The following ADARB2 variants were observed in gnomAD, a reference collection of about 807,000 sequenced individuals.
ADARB2 encodes inactive double-stranded RNA-specific editase B2.
Under a neutral mutation model 62.2 loss-of-function variants are expected in ADARB2, and 25 were observed. The ratio of observed to expected loss-of-function variants is 0.40; its 90% CI spans 0.29 to 0.56. ADARB2 has a LOEUF of 0.56. Ranked by LOEUF, ADARB2 falls within the 20% of genes least tolerant of loss-of-function variation. The probability of loss-of-function intolerance (pLI) is 0.43; values close to 1 mark genes in which losing one functional copy is unlikely to be tolerated. For synonymous variants in ADARB2, 572 were observed against 500.8 expected (o/e 1.14, Z -1.90); for missense variants, 1,071 against 1,077.4 (o/e 0.99, Z 0.08).
At chr10:1,650,502 G>A (rs994370533) in intron 1 of ADARB2, among the ~76,000 whole-genome samples, 5 of 116,110 alleles carry the variant, frequency 4.3e-5, no homozygotes, top group Non-Finnish European at 9.3e-5. Context: ...TGACCACAGC[G>A]CAGGGAAACG....
intron 1 of ADARB2, among the ~76,000 whole-genome samples, chr10:1,508,353 T>A (rs778559001): frequency 6.6e-6 from 1 of 152,210 alleles, no homozygotes; most frequent in Non-Finnish European, 1.5e-5. Context: ...AAGCTATGTG[T>A]GAGCATGAAG....
At chr10:1,459,487 G>C (rs902940449) in intron 1 of ADARB2, among the ~76,000 whole-genome samples, 2 of 151,536 alleles carry the variant, frequency 1.3e-5, no homozygotes, top group Admixed American at 6.6e-5. Flanking sequence ...CAAGGGCCAG[G>C]CGCAGTGGCT....
At chr10:1,694,111 T>G (rs7923745) in intron 1 of ADARB2, among the ~76,000 whole-genome samples, 94,991 of 152,118 alleles carry the variant, frequency 0.62, 30,985 homozygotes, top group South Asian at 0.8. Context: ...CATCATGTAA[T>G]TTTTCTGGTT....
At chr10:1,571,084 A>G (rs1406981828) in intron 1 of ADARB2, among the ~76,000 whole-genome samples, 1 of 152,190 alleles carries the variant, frequency 6.6e-6, no homozygotes, top group Non-Finnish European at 1.5e-5. Flanking sequence ...AATGATGTGA[A>G]AGAATCAGCA....
chr10:1,475,922 C>T (rs941363335), intron 1 of ADARB2, among the ~76,000 whole-genome samples: 11 of 152,172 alleles, frequency 7.2e-5, no homozygotes, highest in Admixed American at 1.3e-4. Context: ...CTACAAAACA[C>T]GAACATTTTT....
intron 1 of ADARB2, among the ~76,000 whole-genome samples, chr10:1,628,215 G>A (rs576466503): frequency 5.9e-5 from 9 of 152,302 alleles, no homozygotes; most frequent in Non-Finnish European, 1.2e-4. Context: ...GGGAAAAGTC[G>A]CTTCTGTGCA....
intron 4 of ADARB2, among the ~76,000 whole-genome samples, chr10:1,243,786 G>A (rs1830950681): frequency 6.6e-6 from 1 of 152,156 alleles, no homozygotes; most frequent in Non-Finnish European, 1.5e-5. Context: ...CACAGCCCCC[G>A]CCTCCTGCCC....
intron 4 of ADARB2, among the ~76,000 whole-genome samples, chr10:1,250,345 TG>T (rs1281689419): frequency 6.6e-6 from 1 of 151,992 alleles, no homozygotes; most frequent in Non-Finnish European, 1.5e-5. Flanking sequence ...GTTTGGGTCA[TG>T]GGGTGGATTC....
At chr10:1,672,925 AAC>A (rs1347510341) in intron 1 of ADARB2, among the ~76,000 whole-genome samples, 1 of 152,212 alleles carries the variant, frequency 6.6e-6, no homozygotes, top group Non-Finnish European at 1.5e-5. Flanking sequence ...ATAGGAGGGA[AAC>A]ACACTTTTAA....
chr10:1,544,956 T>C lies in ADARB2; in HGVS notation c.101-165796A>G, dbSNP rs867983853. 4.0e-4 allele frequency among the ~76,000 whole-genome samples: 54 copies of C among 133,932 alleles called. No homozygotes were observed. The East Asian group carries it at 0.01, about 25-fold the overall frequency. 87.9% of individuals were successfully genotyped at this position (133,932 alleles called of 152,430 possible). ...ATGTGAAGTCTATAATAGCAAAGTA[T>C]ACACACACACACACACACACACACA... is the stretch of plus-strand genomic sequence containing the variant. On this transcript the variant is annotated intron_variant, in intron 1 of 9. Transcript: ENST00000381312.
chr10:1,396,223 C>A (rs544302675), intron 1 of ADARB2, among the ~76,000 whole-genome samples: 26 of 152,222 alleles, frequency 1.7e-4, no homozygotes, highest in African/African-American at 6.0e-4. Context: ...TATTTTGAGC[C>A]TCCCGACTCT....
intron 3 of ADARB2, among the ~76,000 whole-genome samples, chr10:1,307,531 A>G (rs1479660595): frequency 7.0e-6 from 1 of 143,598 alleles, no homozygotes; most frequent in Non-Finnish European, 1.5e-5. Context: ...GTCATTCCTC[A>G]GGGATCTAGA....
Position 1,218,497 on chromosome 10 carries a change from A to G in ADARB2, c.1514-1378T>C, listed in dbSNP as rs79825248. On this transcript the variant is annotated intron_variant, in intron 6 of 9. Transcript: ENST00000381312. The stretch of plus-strand genomic sequence containing the variant: ...TGAATATTAAATGCTTTCTTTAGAA[A>G]GTTCCTATTGAAGTTTTAGAAGCTG... Among the ~76,000 whole-genome samples the G allele has an allele frequency of 2.2e-3, 332 of 152,360 alleles. 7 individuals carry two copies. In the East Asian group the frequency reaches 0.055, roughly 25 times the overall value.
At chr10:1,314,608 C>T (rs562516622) in intron 3 of ADARB2, among the ~76,000 whole-genome samples, 2 of 152,326 alleles carry the variant, frequency 1.3e-5, no homozygotes, top group East Asian at 3.9e-4. Flanking sequence ...CAGACCTGAG[C>T]TTAGGGTTTC....
At chr10:1,556,463 T>C (rs1832705506) in intron 1 of ADARB2, 3 of 354,802 alleles carry the variant, frequency 8.5e-6, no homozygotes, top group South Asian at 4.2e-5. Flanking sequence ...CCTCCTTGTC[T>C]CTAAATATTC....
At chr10:1,530,335 A>C (rs1832214820) in intron 1 of ADARB2, among the ~76,000 whole-genome samples, 1 of 152,214 alleles carries the variant, frequency 6.6e-6, no homozygotes, top group Admixed American at 6.5e-5. Context: ...TCCCACACCC[A>C]CAACATTCCC....
chr10:1,498,259 A>G (rs1831716589), intron 1 of ADARB2, among the ~76,000 whole-genome samples: 3 of 152,094 alleles, frequency 2.0e-5, no homozygotes, highest in Admixed American at 1.3e-4. Flanking sequence ...CTGTAATCCC[A>G]GCTACTTTGG....
At chr10:1,195,400 G>GTTTTTTTTTTT (rs1236059124) in intron 8 of ADARB2, among the ~76,000 whole-genome samples, 1 of 116,436 alleles carries the variant, frequency 8.6e-6, no homozygotes. Context: ...TTTTTTTTTT[G>GTTTTTTTTTTT]TTTTTTTTTT....
At chr10:1,475,580 A>G (rs185034238) in intron 1 of ADARB2, among the ~76,000 whole-genome samples, 3 of 152,242 alleles carry the variant, frequency 2.0e-5, no homozygotes, top group Non-Finnish European at 2.9e-5. Flanking sequence ...AGAAGGAGAC[A>G]CACGTCAGGA....
Sources: allele counts gnomAD v4.1 joint callset (sites outside exome capture counted in the v4.1 genomes callset), GRCh38; gene constraint gnomAD v4.1.1; transcripts MANE v1.5; gene names NCBI Gene and HGNC (gene_info 2026-07-23, HGNC 2026-07-21).